The following RIN3 variants were observed in gnomAD, a reference collection of about 807,000 sequenced individuals.
RIN3 encodes RAB5 interacting protein 3.
Under a neutral mutation model 76.3 loss-of-function variants are expected in RIN3, and 54 were observed. The observed-to-expected ratio is 0.71, with a 90% CI of 0.57 to 0.89. RIN3 has a LOEUF of 0.89. Ranked by LOEUF, RIN3 falls within the 40% of genes least tolerant of loss-of-function variation. RIN3 has a pLI of 0.00. For missense variants in RIN3, 1,256 were observed against 1,322.1 expected (o/e 0.95, Z 0.78); for synonymous variants, 576 against 564.0 (o/e 1.02, Z -0.30).
chr14:92,645,818 A>T (rs1887177641), intron 5 of RIN3, among the ~76,000 whole-genome samples: 1 of 152,144 alleles, frequency 6.6e-6, no homozygotes, highest in African/African-American at 2.4e-5. Context: ...GCCAGGCGTG[A>T]TGTCACATGC....
intron 6 of RIN3, among the ~76,000 whole-genome samples, chr14:92,657,605 G>A (rs933698512): frequency 2.0e-5 from 3 of 152,174 alleles, no homozygotes; most frequent in Non-Finnish European, 4.4e-5. Context: ...CCCTGGGAGG[G>A]GAAGAGACAT....
intron 3 of RIN3, among the ~76,000 whole-genome samples, chr14:92,606,623 A>G (rs1196285784): frequency 1.3e-5 from 2 of 152,236 alleles, no homozygotes; most frequent in Non-Finnish European, 2.9e-5. Flanking sequence ...TTTGCCAAGA[A>G]TATATGGAAA....
intron 6 of RIN3, 96 bp downstream of exon 6, chr14:92,653,171 C>T (rs1887538456): frequency 3.9e-6 from 5 of 1,293,052 alleles, no homozygotes; most frequent in African/African-American, 1.5e-5. Flanking sequence ...GCAGTGGACG[C>T]TGTTGGTGCC....
In RIN3 at chr14:92,621,927, A is replaced by G. The variant is rs1886197579; in HGVS notation, c.440+6448A>G. ...TTTACCCCAATAGATAAGCCAATGA[A>G]GGCTATGAACCAAAATTTCGGGTAA... On this transcript the variant is annotated intron_variant, in intron 4 of 9. Transcript: ENST00000216487. 2.6e-5 allele frequency among the ~76,000 whole-genome samples: 4 copies of G among 152,332 alleles called. No homozygotes were observed. In the South Asian group the frequency reaches 8.3e-4, roughly 32 times the overall value.
chr14:92,614,683 AC>A (rs1885879483), intron 3 of RIN3, among the ~76,000 whole-genome samples: 1 of 150,810 alleles, frequency 6.6e-6, no homozygotes, highest in Admixed American at 6.6e-5. Context: ...ATAAGGGGAA[AC>A]CCCTTTCGCT....
rs573833199 is a variant in RIN3 at position 92,663,196 on chromosome 14, C to A, written c.2335+3727C>A. ...CAAGTATATCTACATTGTGGAATGA[C>A]TAAAGCTAGCGTCATCTCACATAGT... On this transcript the variant is annotated intron_variant, in intron 7 of 9. Coordinates refer to ENST00000216487, the MANE Select transcript of RIN3 (RefSeq NM_024832.5). Among the ~76,000 whole-genome samples the A allele has an allele frequency of 7.9e-4, 121 of 152,324 alleles. No homozygotes were observed. In the East Asian group the frequency reaches 0.022, roughly 27 times the overall value.
Position 92,623,423 on chromosome 14 carries a change from T to C in RIN3, c.440+7944T>C, listed in dbSNP as rs1436102117. Among the ~76,000 whole-genome samples, 1 of 152,236 alleles carries C rather than the reference T, an allele frequency of 6.6e-6. No homozygotes were observed. The highest frequency in any genetic ancestry group is 1.9e-4 in the East Asian group (1 of 5,200). ...ATTAATAAATCGCTGCTGGTTATAATAGATGTAATTTATCCAAGCTACATT... is the reference window on the plus strand; with the variant it reads ...ATTAATAAATCGCTGCTGGTTATAACAGATGTAATTTATCCAAGCTACATT... On this transcript the variant is annotated intron_variant, in intron 4 of 9. Coordinates refer to ENST00000216487, the MANE Select transcript of RIN3 (RefSeq NM_024832.5). This position sits in a 1 kb window ranked among gnomAD's most constrained non-coding sequence, Gnocchi z 4.9.
chr14:92,620,686 C>T (rs927080385), intron 4 of RIN3, among the ~76,000 whole-genome samples: 1 of 152,082 alleles, frequency 6.6e-6, no homozygotes, highest in Non-Finnish European at 1.5e-5. Context: ...AACTAGAAGT[C>T]AAAAACAAAT....
At chr14:92,529,285 G>T (rs747537909) in intron 1 of RIN3, among the ~76,000 whole-genome samples, 1 of 144,528 alleles carries the variant, frequency 6.9e-6, no homozygotes, top group African/African-American at 2.6e-5. Context: ...GTCTCGCACT[G>T]TCACCTGGGC....
At chr14:92,615,124 A>G (rs1356684687) in intron 3 of RIN3, among the ~76,000 whole-genome samples, 1 of 152,082 alleles carries the variant, frequency 6.6e-6, no homozygotes, top group Non-Finnish European at 1.5e-5. Context: ...TACAAGCATG[A>G]GCCACTGTAC....
intron 4 of RIN3, among the ~76,000 whole-genome samples, chr14:92,629,546 C>A (rs1886487426): frequency 6.6e-6 from 1 of 152,192 alleles, no homozygotes; most frequent in African/African-American, 2.4e-5. Flanking sequence ...GGCCTGCGCC[C>A]TATGGAGAGG....
chr14:92,563,160 G>C (rs527936251), intron 2 of RIN3, among the ~76,000 whole-genome samples: 5 of 152,284 alleles, frequency 3.3e-5, no homozygotes, highest in African/African-American at 1.2e-4. Context: ...AGGAGTTCAA[G>C]ACTAGCCTGG....
At chr14:92,606,243 T>C (rs1885522975) in intron 3 of RIN3, among the ~76,000 whole-genome samples, 1 of 151,714 alleles carries the variant, frequency 6.6e-6, no homozygotes, top group South Asian at 2.1e-4. Context: ...ATCTAGAATA[T>C]ATAAAGAACT....
rs1302167805 is a variant in RIN3 at position 92,656,805 on chromosome 14, T to C, written c.2027-2356T>C. Among the ~76,000 whole-genome samples the C allele has an allele frequency of 6.6e-6, 1 of 152,148 alleles. No homozygotes were observed. The highest frequency in any genetic ancestry group is 1.5e-5 in the Non-Finnish European group (1 of 68,028). On this transcript the variant is annotated intron_variant, in intron 6 of 9. Transcript: ENST00000216487. This position sits in a 1 kb window ranked among gnomAD's most constrained non-coding sequence, Gnocchi z 5.2. ...ACAGGGTCAGCATCCACAGCAATGGTGCCATTCCAGACACTGCATGTGTCA... is the reference window on the plus strand; with the variant it reads ...ACAGGGTCAGCATCCACAGCAATGGCGCCATTCCAGACACTGCATGTGTCA...
At chr14:92,546,111 G>A (rs185957913) in intron 1 of RIN3, among the ~76,000 whole-genome samples, 221 of 152,198 alleles carry the variant, frequency 1.5e-3, no homozygotes, top group African/African-American at 5.1e-3. Context: ...TTTTAGTAGA[G>A]ACAGGGTTTC....
At chr14:92,602,805 G>A (rs1204000038) in intron 3 of RIN3, among the ~76,000 whole-genome samples, 16 of 152,142 alleles carry the variant, frequency 1.1e-4, no homozygotes, top group African/African-American at 2.7e-4. Context: ...GAAAGCACTC[G>A]GGCTGATCCC....
rs1381575374 is a variant in RIN3, at chr14:92,555,944, G to T, written c.238G>T (p.Val80Leu). 1.9e-6 allele frequency: 3 copies of T among 1,612,118 alleles called. No homozygotes were observed. The highest frequency in any genetic ancestry group is 2.5e-6 in the Non-Finnish European group (3 of 1,179,954). ...QAEVARILHR[V>L]VAGMFLVRRD... ...AGAGGTGGCCAGGATCCTGCACCGGGTGGTGGCTGGGGTGAGTGGGGGCGT... is the reference window on the plus strand; with the variant it reads ...AGAGGTGGCCAGGATCCTGCACCGGTTGGTGGCTGGGGTGAGTGGGGGCGT... Residue 80 changes from valine to leucine, a missense_variant, in exon 2 of 10, where the codon GTG (valine) becomes TTG (leucine). This residue lies in a region of RIN3 where 610 missense variants were observed against 626.4 expected (regional missense o/e 0.97). Transcript: ENST00000216487.
At chr14:92,539,448 C>G (rs1175601326) in intron 1 of RIN3, among the ~76,000 whole-genome samples, 1 of 152,176 alleles carries the variant, frequency 6.6e-6, no homozygotes, top group Non-Finnish European at 1.5e-5. Context: ...CAAAGAGAGC[C>G]TGAGTCACTT....
chr14:92,526,958 C>T (rs780696593), intron 1 of RIN3, among the ~76,000 whole-genome samples: 2 of 152,064 alleles, frequency 1.3e-5, no homozygotes, highest in Non-Finnish European at 2.9e-5. Context: ...TGCCTGGGGT[C>T]CCTTGGCTCG....
Sources: gnomAD v4.1 joint callset for allele counts (sites outside exome capture counted in the v4.1 genomes callset) on GRCh38, gnomAD v4.1.1 for gene constraint, gnomAD v4.1.1 regional missense constraint, Gnocchi (gnomAD v3.1) non-coding constraint, MANE v1.5 for transcripts, NCBI Gene and HGNC (gene_info 2026-07-23, HGNC 2026-07-21) for gene names.